The following MREG variants were observed in gnomAD, a reference collection of about 807,000 sequenced individuals.
The protein encoded by MREG is dilute suppressor protein homolog.
A neutral mutation model predicts 28.5 loss-of-function variants in MREG; 31 were observed. That is an observed-to-expected ratio of 1.09 (90% CI 0.82 to 1.47). MREG has a LOEUF of 1.47. Ranked by LOEUF, MREG falls within the 40% of genes most tolerant of loss-of-function variation. The pLI is 0.00. For synonymous variants in MREG, 106 were observed against 95.2 expected (o/e 1.11, Z -0.66); for missense variants, 256 against 257.4 (o/e 0.99, Z 0.04).
chr2:215,964,322 A>G (rs1692877625), intron 2 of MREG, among the ~76,000 whole-genome samples: 1 of 152,056 alleles, frequency 6.6e-6, no homozygotes, highest in South Asian at 2.1e-4. Context: ...TGTCTCTACT[A>G]AAAATACAAA....
chr2:215,964,472 A>C (rs542904854), intron 2 of MREG, among the ~76,000 whole-genome samples: 5 of 123,918 alleles, frequency 4.0e-5, no homozygotes, highest in Admixed American at 9.1e-5. Context: ...TGACAGTAAG[A>C]CTCTGTCTCA....
intron 2 of MREG, among the ~76,000 whole-genome samples, chr2:215,983,616 G>A (rs1383542666): frequency 6.6e-6 from 1 of 152,200 alleles, no homozygotes; most frequent in Admixed American, 6.5e-5. Flanking sequence ...GTCTGCCTCT[G>A]TAGTTTTAAT....
At chr2:215,988,267 T>A (rs1693631791) in intron 2 of MREG, among the ~76,000 whole-genome samples, 1 of 152,130 alleles carries the variant, frequency 6.6e-6, no homozygotes, top group South Asian at 2.1e-4. Context: ...GGGTGGGGCG[T>A]TGCCTCACAG....
chr2:215,946,813 G>A (rs757287895), intron 3 of MREG, among the ~76,000 whole-genome samples: 21 of 152,224 alleles, frequency 1.4e-4, no homozygotes, highest in Non-Finnish European at 2.9e-4. Context: ...ACATGGCAGA[G>A]TGTGTCCTGA....
chr2:216,023,318 T>C (rs954381316), intron 1 of MREG, among the ~76,000 whole-genome samples: 2 of 152,234 alleles, frequency 1.3e-5, no homozygotes, highest in African/African-American at 2.4e-5. Context: ...AAGCTTTCTT[T>C]TACTCAACAG....
intron 2 of MREG, among the ~76,000 whole-genome samples, chr2:215,988,513 C>T (rs1194270950): frequency 6.6e-6 from 1 of 151,974 alleles, no homozygotes; most frequent in South Asian, 2.1e-4. Flanking sequence ...TTTTTCATAC[C>T]CCAGTGGCAG....
intron 2 of MREG, among the ~76,000 whole-genome samples, chr2:215,949,462 G>A (rs1194466191): frequency 6.6e-6 from 1 of 151,810 alleles, no homozygotes; most frequent in African/African-American, 2.4e-5. Flanking sequence ...TCAGGAGGCT[G>A]AGGCAGGAGA....
At chr2:215,981,872 C>A (rs1693435670) in intron 2 of MREG, among the ~76,000 whole-genome samples, 1 of 152,114 alleles carries the variant, frequency 6.6e-6, no homozygotes, top group Admixed American at 6.6e-5. Flanking sequence ...TGCTTCTTAT[C>A]CTCAAATCTG....
At chr2:215,962,039 T>G (rs1411833695) in intron 2 of MREG, among the ~76,000 whole-genome samples, 1 of 152,202 alleles carries the variant, frequency 6.6e-6, no homozygotes, top group Non-Finnish European at 1.5e-5. Context: ...TTTGCAATGC[T>G]CAACTGTTTT....
chr2:215,997,317 T>C (rs1215051507), intron 1 of MREG, among the ~76,000 whole-genome samples: 1 of 152,204 alleles, frequency 6.6e-6, no homozygotes, highest in African/African-American at 2.4e-5. Flanking sequence ...ACATTTGTTT[T>C]ATGATTTATG....
At chr2:216,013,129 GCAAGCCCAC>G (rs1409227030) in intron 1 of MREG, 95 bp downstream of exon 1, 2 of 1,013,524 alleles carry the variant, frequency 2.0e-6, no homozygotes, top group Non-Finnish European at 2.9e-6. Flanking sequence ...TGCCCTTCCA[GCAAGCCCAC>G]CTCCCCAACT....
chr2:216,000,910 A>G (rs1400147227), intron 1 of MREG, among the ~76,000 whole-genome samples: 1 of 152,140 alleles, frequency 6.6e-6, no homozygotes, highest in Non-Finnish European at 1.5e-5. Context: ...TTACTAAGCC[A>G]CAATTTATTT....
rs539904777 is a variant in MREG at position 215,962,467 on chromosome 2, G to T, written c.256-15354C>A. ...TAATCAACTAGTTGGAACCACCTCC[G>T]AGTTCTGGGGCTCTGCAAGGAAGAA... is the stretch of plus-strand genomic sequence containing the variant. On this transcript the variant is annotated intron_variant, in intron 2 of 4. Transcript: ENST00000263268. Among the ~76,000 whole-genome samples the T allele has an allele frequency of 5.9e-5, 9 of 152,286 alleles. No homozygotes were observed. The South Asian group carries it at 1.9e-3, about 32-fold the overall frequency.
intron 2 of MREG, among the ~76,000 whole-genome samples, chr2:215,949,126 G>T (rs973267849): frequency 7.3e-5 from 11 of 151,258 alleles, no homozygotes; most frequent in Non-Finnish European, 1.3e-4. Context: ...AGCTGGAGGT[G>T]GTGGCACACA....
At chr2:215,995,540 A>C (rs1458683446) in intron 2 of MREG, among the ~76,000 whole-genome samples, 4 of 103,438 alleles carry the variant, frequency 3.9e-5, no homozygotes, top group African/African-American at 1.4e-4. Context: ...CACTAAACCC[A>C]ACTATAAGTT....
chr2:216,014,115 C>T (rs980423283), upstream of MREG, among the ~76,000 whole-genome samples: 1 of 152,112 alleles, frequency 6.6e-6, no homozygotes, highest in African/African-American at 2.4e-5. Context: ...CAGCGGCATA[C>T]TCCACACATT....
At chr2:215,996,737 T>C (rs13014738) in intron 1 of MREG, among the ~76,000 whole-genome samples, 85,977 of 151,742 alleles carry the variant, frequency 0.57, 24,679 homozygotes, top group Non-Finnish European at 0.59. Context: ...AATTCAGCAC[T>C]GAGTACCCCA....
intron 1 of MREG, among the ~76,000 whole-genome samples, chr2:216,007,302 G>A (rs1273210504): frequency 6.6e-6 from 1 of 152,162 alleles, no homozygotes; most frequent in African/African-American, 2.4e-5. Flanking sequence ...AGAGTTGCCT[G>A]AGACGCACAG....
intron 2 of MREG, among the ~76,000 whole-genome samples, chr2:215,984,324 C>G (rs1221687903): frequency 2.0e-5 from 3 of 152,036 alleles, no homozygotes; most frequent in East Asian, 1.9e-4. Context: ...GGGACACAGC[C>G]AAACCATATC....
Sources: gnomAD v4.1 joint callset for allele counts (sites outside exome capture counted in the v4.1 genomes callset) on GRCh38, gnomAD v4.1.1 for gene constraint, MANE v1.5 for transcripts, NCBI Gene and HGNC (gene_info 2026-07-23, HGNC 2026-07-21) for gene names.